Variants in KLHL2 observed in about 807,000 individuals in gnomAD.
KLHL2 encodes the protein kelch-like protein 2.
KLHL2 carries 15 observed loss-of-function variants against 75.8 expected under a neutral mutation model. The ratio of observed to expected loss-of-function variants is 0.20; its 90% CI spans 0.13 to 0.30. The LOEUF (loss-of-function observed/expected upper bound fraction) is 0.30. KLHL2 is among the 10% of genes least tolerant of loss of function. KLHL2 has a pLI of 1.00. For synonymous variants in KLHL2, 214 were observed against 251.9 expected, an observed-to-expected ratio of 0.85 and a Z score of 1.42; for missense variants, 381 against 741.0, an observed-to-expected ratio of 0.51 and a Z score of 5.64.
chr4:165,310,878 G>A, intron 10 of KLHL2, 128 bp downstream of exon 10: 2 of 691,222 alleles, frequency 2.9e-6, no homozygotes, highest in Non-Finnish European at 4.8e-6. Context: ...TTTTTGAGAT[G>A]GAGTCTTGCT....
At chr4:165,255,245 C>T (rs1326682934) in intron 4 of KLHL2, among the ~76,000 whole-genome samples, 1 of 152,202 alleles carries the variant, frequency 6.6e-6, no homozygotes, top group Non-Finnish European at 1.5e-5. Flanking sequence ...TTAATTATAA[C>T]ATTGGAAATG....
chr4:165,238,627 A>T (rs762669854), intron 3 of KLHL2, 151 bp from the exon 4 acceptor site: 83 of 1,451,532 alleles, frequency 5.7e-5, no homozygotes, highest in Non-Finnish European at 6.8e-5. Context: ...TGGAAGAGGA[A>T]GGGGGGAGTA....
chr4:165,249,863 G>A (rs956356051), intron 4 of KLHL2, among the ~76,000 whole-genome samples: 1 of 152,166 alleles, frequency 6.6e-6, no homozygotes, highest in South Asian at 2.1e-4. Flanking sequence ...GGTGGCTCAC[G>A]CCTGTAATCC....
At chr4:165,230,570 T>C (rs570775310) in intron 3 of KLHL2, among the ~76,000 whole-genome samples, 1 of 77,316 alleles carries the variant, frequency 1.3e-5, no homozygotes, top group East Asian at 2.8e-4. Context: ...AGCTAGGCTC[T>C]TTTTTTTTTT....
rs552171999 is a variant in KLHL2, at chr4:165,265,968, C to T, written c.544+2609C>T. Among the ~76,000 whole-genome samples the T allele has an allele frequency of 2.6e-3, 390 of 152,334 alleles. 4 individuals carry two copies. Among genetic ancestry groups the T allele is most frequent in the African/African-American group, 8.4e-3 (349 of 41,564 alleles). ...TAAAAGCATTCCTATTTCTCCACAT[C>T]CTATCCAGCACCTGTTGTTTTCTGA... On this transcript the variant is annotated intron_variant, in intron 5 of 14. Transcript: ENST00000226725.
chr4:165,215,681 C>T (rs1040632135), intron 1 of KLHL2, among the ~76,000 whole-genome samples: 9 of 152,068 alleles, frequency 5.9e-5, no homozygotes, highest in Non-Finnish European at 1.0e-4. Flanking sequence ...TCTTTGATCT[C>T]CTGTTAAACT....
chr4:165,290,864 G>A (rs1299081616), intron 5 of KLHL2, among the ~76,000 whole-genome samples: 1 of 152,140 alleles, frequency 6.6e-6, no homozygotes, highest in Non-Finnish European at 1.5e-5. Context: ...CTACTCAGAA[G>A]GCTGAGTCAG....
At chr4:165,320,753 G>A (rs1170502210) in intron 14 of KLHL2, among the ~76,000 whole-genome samples, 3 of 152,360 alleles carry the variant, frequency 2.0e-5, no homozygotes, top group Admixed American at 1.3e-4. Context: ...GTGTTCAGAT[G>A]TTGTGTATGA....
chr4:165,227,843 A>T (rs1460306425), intron 2 of KLHL2, among the ~76,000 whole-genome samples: 1 of 152,212 alleles, frequency 6.6e-6, no homozygotes, highest in Non-Finnish European at 1.5e-5. Flanking sequence ...TGGATGTTTT[A>T]AAATTAGAGA....
rs531352354 is a variant in KLHL2, at chr4:165,305,306, C to T, written c.922-302C>T. Among the ~76,000 whole-genome samples, 11 of 149,502 alleles carry T rather than the reference C, an allele frequency of 7.4e-5. No individual in the cohort carries two copies. In the South Asian group the frequency reaches 1.9e-3, roughly 26 times the overall value. ...AGCCCTATGACATACTGCAGCCTTG[C>T]CAGTAATAACTGCGTGCTGTTTTTT... On this transcript the variant is annotated intron_variant, in intron 8 of 14. Coordinates refer to ENST00000226725, the MANE Select transcript of KLHL2 (RefSeq NM_007246.4).
chr4:165,294,997 TC>T (rs1744803865), intron 6 of KLHL2, among the ~76,000 whole-genome samples: 1 of 152,138 alleles, frequency 6.6e-6, no homozygotes, highest in African/African-American at 2.4e-5. Context: ...CCCCTGCCAG[TC>T]CGTTCAGCCT....
intron 6 of KLHL2, among the ~76,000 whole-genome samples, chr4:165,296,320 T>C (rs1744906556): frequency 6.6e-6 from 1 of 152,216 alleles, no homozygotes; most frequent in Admixed American, 6.5e-5. Flanking sequence ...TTCTTCTCTG[T>C]AACTTGCATG....
rs775471660 is a variant in KLHL2 at position 165,317,804 on chromosome 4, TTC to T, written c.1610-16_1610-15del. The T allele has an allele frequency of 1.3e-6, 2 of 1,592,376 alleles. No homozygotes were observed. Among genetic ancestry groups the T allele is most frequent in the South Asian group, 2.2e-5 (2 of 89,456 alleles). On this transcript the variant is annotated intron_variant, in intron 13 of 14. Transcript: ENST00000226725. ...CATCCCAATTTTTTAAATAATTGTT[TTC>T]TCTCTGTAATTTTTTAAAGGAGTTT...
At chr4:165,282,379 A>T (rs1407332333) in intron 5 of KLHL2, among the ~76,000 whole-genome samples, 1 of 152,222 alleles carries the variant, frequency 6.6e-6, no homozygotes, top group Non-Finnish European at 1.5e-5. Flanking sequence ...TTAGGCTTAT[A>T]TTAACCAAAC....
chr4:165,318,640 A>G (rs969446518), intron 14 of KLHL2, among the ~76,000 whole-genome samples: 1 of 152,012 alleles, frequency 6.6e-6, no homozygotes, highest in Non-Finnish European at 1.5e-5. Context: ...GAATTCCAGT[A>G]TAACATGGGT....
chr4:165,273,386 G>C (rs1246285697), intron 5 of KLHL2, among the ~76,000 whole-genome samples: 1 of 152,092 alleles, frequency 6.6e-6, no homozygotes, highest in Non-Finnish European at 1.5e-5. Context: ...TTGGTGTATT[G>C]ATAACTAGTT....
intron 5 of KLHL2, among the ~76,000 whole-genome samples, chr4:165,267,730 A>AT (rs1256447547): frequency 4.6e-5 from 7 of 151,836 alleles, no homozygotes; most frequent in Non-Finnish European, 1.0e-4. Flanking sequence ...TTTATTGAGG[A>AT]TTTTTGCATC....
At chr4:165,213,301 A>G (rs539338399) in intron 1 of KLHL2, among the ~76,000 whole-genome samples, 5 of 152,074 alleles carry the variant, frequency 3.3e-5, no homozygotes, top group Non-Finnish European at 7.4e-5. Flanking sequence ...TAACCCTCCA[A>G]CATCTTAGAG....
At chr4:165,275,661 C>T (rs951937614) in intron 5 of KLHL2, among the ~76,000 whole-genome samples, 37 of 152,250 alleles carry the variant, frequency 2.4e-4, no homozygotes, top group African/African-American at 7.0e-4. Flanking sequence ...AGGCTGTGCT[C>T]GAACTCCTGG....
Sources: gnomAD v4.1 joint callset for allele counts (sites outside exome capture counted in the v4.1 genomes callset) on GRCh38, gnomAD v4.1.1 for gene constraint, MANE v1.5 for transcripts, NCBI Gene and HGNC (gene_info 2026-07-23, HGNC 2026-07-21) for gene names.